The following CPXM1 variants were observed in gnomAD, a reference collection of about 807,000 sequenced individuals.
CPXM1 encodes the protein probable carboxypeptidase X1.
CPXM1 carries 72 observed loss-of-function variants against 80.4 expected under a neutral mutation model. The observed-to-expected ratio is 0.90, with a 90% confidence interval of 0.74 to 1.09. The LOEUF (loss-of-function observed/expected upper bound fraction) is 1.09. CPXM1 is among the 50% of genes least tolerant of loss of function. The probability of loss-of-function intolerance (pLI) is 0.00; values close to 1 mark genes in which losing one functional copy is unlikely to be tolerated. For missense variants in CPXM1, 892 were observed against 999.4 expected (o/e 0.89, Z 1.45); for synonymous variants, 403 against 405.6 (o/e 0.99, Z 0.08).
Position 2,794,635 on chromosome 20 carries a change from C to G in CPXM1, c.1865G>C (p.Arg622Pro), listed in dbSNP as rs772660245. 1 of 1,610,018 alleles carries G rather than the reference C, an allele frequency of 6.2e-7. No homozygotes were observed. The highest frequency in any genetic ancestry group is 8.5e-7 in the Non-Finnish European group (1 of 1,179,048). Reference sequence around the variant, plus strand: ...CCTCACCACTCCTGCAATGCCCATGCGCACCTGTGTGGGAAGAGGTTATCA... The same window carrying G: ...CCTCACCACTCCTGCAATGCCCATGGGCACCTGTGTGGGAAGAGGTTATCA... ...DALLTYLEQV[R>P]MGIAGVVRDK... The change falls in exon 13 of 14, where the codon CGC (arginine) becomes CCC (proline). Residue 622 changes from arginine to proline, a missense_variant. Transcript: ENST00000380605. The surrounding 1 kb of genome is among the most constrained non-coding windows in gnomAD (Gnocchi z 5.2).
chr20:2,797,923 C>G, intron 5 of CPXM1, 45 bp downstream of exon 5: 1 of 1,560,366 alleles, frequency 6.4e-7, no homozygotes, highest in Non-Finnish European at 8.8e-7. Context: ...GGACTGGGTG[C>G]CCAACTCCCA....
chr20:2,797,858 G>A, intron 5 of CPXM1, 110 bp downstream of exon 5: 1 of 968,240 alleles, frequency 1.0e-6, no homozygotes, highest in South Asian at 1.5e-5. Flanking sequence ...ACACCCCCCT[G>A]GGAAGCCTAA....
Position 2,798,034 on chromosome 20 carries a change from C to G in CPXM1, c.615G>C (p.Lys205Asn), listed in dbSNP as rs372632758. The G allele has an allele frequency of 1.2e-5, 19 of 1,614,058 alleles. No individual in the cohort carries two copies. In the African/African-American group the frequency reaches 2.3e-4, roughly 19 times the overall value. ...TCCGACTGTCATTGCTGAACTGGAC[C>G]TTGTATGATGTGACCCAGTCATACC... ...VWRYDWVTSY[K>N]VQFSNDSRTW... The change falls in exon 5 of 14, where the codon AAG becomes AAC. Residue 205 changes from lysine (K) to asparagine (N), a missense_variant. By Grantham distance (94) the Lys-to-Asn change is moderately conservative (BLOSUM62 0). Coordinates refer to ENST00000380605, the MANE Select transcript of CPXM1 (RefSeq NM_019609.5).
chr20:2,800,495 C>G lies in CPXM1; in HGVS notation c.78G>C (p.Val26=). The change falls in exon 1 of 14, where the codon GTG becomes GTC. Residue 26 remains valine (V), a synonymous_variant. Transcript: ENST00000380605. The part of the protein sequence containing the change: ...GPALGAPRNS[V]LGLAQPGTTK... ...TGGTCCCGGGCTGCGCGAGGCCCAG[C>G]ACCGAGTTCCTGGGCGCCCCCAGAG... is the stretch of plus-strand genomic sequence containing the variant. 1 of 1,392,844 alleles carries G rather than the reference C, an allele frequency of 7.2e-7. No homozygotes were observed. Among genetic ancestry groups the G allele is most frequent in the Non-Finnish European group, 9.3e-7 (1 of 1,079,880 alleles). 86.3% of individuals were successfully genotyped at this position (1,392,844 alleles called of 1,614,324 possible).
At chr20:2,798,667 G>A (rs1246478064) in intron 2 of CPXM1, 59 bp downstream of exon 2, 14 of 1,577,052 alleles carry the variant, frequency 8.9e-6, no homozygotes, top group African/African-American at 2.7e-5. Flanking sequence ...GCCAAGAGCT[G>A]TGCTGGTAAA....
rs780342169 is a variant in CPXM1 at position 2,797,970 on chromosome 20, C to T, written c.679G>A (p.Ala227Thr). 28 of 1,613,664 alleles carry T rather than the reference C, an allele frequency of 1.7e-5. No individual in the cohort carries two copies. In the East Asian group the frequency reaches 2.2e-4, roughly 13 times the overall value. ...GSRNHSSGMDAVFPANSDPET... is the reference protein window; with the variant it reads ...GSRNHSSGMDTVFPANSDPET... ...CCAGCCACAGTGGGACCACTCACTG[C>T]GTCCATCCCACTGCTGTGGTTCCTA... Residue 227 changes from alanine to threonine, a missense_variant and splice_region_variant, in exon 5 of 14, where the codon GCA (alanine) becomes ACA (threonine). This residue lies in a region of CPXM1 where 874 missense variants were observed against 958.4 expected (regional missense o/e 0.91). Coordinates refer to ENST00000380605, the MANE Select transcript of CPXM1 (RefSeq NM_019609.5).
Position 2,796,026 on chromosome 20 carries a change from G to A in CPXM1, c.1378C>T (p.His460Tyr). The change falls in exon 10 of 14, where the codon CAT (histidine) becomes TAT (tyrosine). Residue 460 changes from histidine to tyrosine, a missense_variant. This residue lies in a region of CPXM1 where 874 missense variants were observed against 958.4 expected (regional missense o/e 0.91). Coordinates refer to ENST00000380605, the MANE Select transcript of CPXM1 (RefSeq NM_019609.5). This position sits in a 1 kb window ranked among gnomAD's most constrained non-coding sequence, Gnocchi z 6.8. Reference protein sequence around the residue: ...DGKVPHIVPNHHLPLPTYYTL... With the variant: ...DGKVPHIVPNYHLPLPTYYTL... ...TAGTAAGTGGGCAATGGCAGGTGAT[G>A]GTTGGGGACGATGTGGGGCACCTTC... 1.2e-6 allele frequency: 2 copies of A among 1,613,330 alleles called. No individual in the cohort carries two copies. Among genetic ancestry groups the A allele is most frequent in the African/African-American group, 1.3e-5 (1 of 75,044 alleles).
intron 2 of CPXM1, 57 bp downstream of exon 2, chr20:2,798,668 TG>T: frequency 6.3e-7 from 1 of 1,576,068 alleles, no homozygotes; most frequent in Admixed American, 1.7e-5. Context: ...CCAAGAGCTG[TG>T]CTGGTAAAGT....
In CPXM1 at chr20:2,795,213, G is replaced by A. The variant is rs944892812; in HGVS notation, c.1860+64C>T. On this transcript the variant is annotated intron_variant, in intron 12 of 13. Transcript: ENST00000380605. The surrounding 1 kb of genome is among the most constrained non-coding windows in gnomAD (Gnocchi z 5.4). ...GACCTTAGAAGAACCCCTGGTAGGAGCTGTAGCCTAAATGGACAGCAGGAG... is the reference window on the plus strand; with the variant it reads ...GACCTTAGAAGAACCCCTGGTAGGAACTGTAGCCTAAATGGACAGCAGGAG... 3 of 1,572,888 alleles carry A rather than the reference G, an allele frequency of 1.9e-6. No homozygotes were observed. The African/African-American group carries it at 4.0e-5, about 21-fold the overall frequency.
Position 2,797,016 on chromosome 20 carries a change from G to T in CPXM1, c.911C>A (p.Ala304Asp). 1 of 1,613,962 alleles carries T rather than the reference G, an allele frequency of 6.2e-7. No individual in the cohort carries two copies. The highest frequency in any genetic ancestry group is 8.5e-7 in the Non-Finnish European group (1 of 1,179,880). ...GGGGTTATATCTGACCTTCCTCATG[G>T]CCTTGTAATTGTGATGCTGAAAGTC... ...PLDFQHHNYK[A>D]MRKLMKQVQE... Residue 304 changes from alanine to aspartate, a missense_variant, in exon 7 of 14, where the codon GCC becomes GAC. Around this residue, in one of 2 missense-constraint regions of CPXM1, gnomAD observed 874 missense variants for 958.4 expected, o/e 0.91. Transcript: ENST00000380605.
At position 2,795,965 on chromosome 20, in the gene CPXM1, G is replaced by T. The variant is rs376373857; in HGVS notation, c.1422+17C>A. Reference sequence around the variant, plus strand: ...CCGCCCCCCACAGACCTCCACTGCCGCCCTCAAAATACTCACGGTGGCATT... The same window carrying T: ...CCGCCCCCCACAGACCTCCACTGCCTCCCTCAAAATACTCACGGTGGCATT... On this transcript the variant is annotated intron_variant, in intron 10 of 13. Transcript: ENST00000380605. This position sits in a 1 kb window ranked among gnomAD's most constrained non-coding sequence, Gnocchi z 5.4. 1 of 1,600,356 alleles carries T rather than the reference G, an allele frequency of 6.2e-7. No homozygotes were observed. The highest frequency in any genetic ancestry group is 2.2e-5 in the East Asian group (1 of 44,680).
chr20:2,799,940 G>A (rs2088550167), intron 1 of CPXM1, among the ~76,000 whole-genome samples: 1 of 152,192 alleles, frequency 6.6e-6, no homozygotes, highest in Non-Finnish European at 1.5e-5. Context: ...TTTGTCTTTG[G>A]TGAAAAGGGA....
At chr20:2,799,059 T>G (rs535209980) in intron 1 of CPXM1, among the ~76,000 whole-genome samples, 166 bp from the exon 2 acceptor site, 1 of 152,128 alleles carries the variant, frequency 6.6e-6, no homozygotes, top group South Asian at 2.1e-4. Context: ...CCAACCTGCC[T>G]CTCCAGTCAC....
chr20:2,797,262 C>T lies in CPXM1; in HGVS notation c.762G>A (p.Leu254=). 2 of 1,570,622 alleles carry T rather than the reference C, an allele frequency of 1.3e-6. No individual in the cohort carries two copies. Among genetic ancestry groups the T allele is most frequent in the Admixed American group, 1.8e-5 (1 of 54,190 alleles). Residue 254 remains leucine, a synonymous_variant, in exon 6 of 14, where the codon CTG becomes CTA. Coordinates refer to ENST00000380605, the MANE Select transcript of CPXM1 (RefSeq NM_019609.5). ...CTCCCTGGAGCCAGGTCTGGGGCAG[C>T]AGGCGAATGAAGCGGGCCACCTGGG... ...PEPQVARFIR[L]LPQTWLQGGA...
intron 1 of CPXM1, among the ~76,000 whole-genome samples, chr20:2,800,129 C>CTG (rs570905498): frequency 8.9e-6 from 1 of 112,670 alleles, no homozygotes; most frequent in Non-Finnish European, 1.9e-5. Flanking sequence ...CGCGCGTGCA[C>CTG]TGTGTGTGCG....
chr20:2,795,937 G>A lies in CPXM1; in HGVS notation c.1423-41C>T, dbSNP rs1372940339. On this transcript the variant is annotated intron_variant, in intron 10 of 13. Transcript: ENST00000380605. The surrounding 1 kb of genome is among the most constrained non-coding windows in gnomAD (Gnocchi z 5.4). The stretch of plus-strand genomic sequence containing the variant: ...CAGGAGGGGCAGGAGACAGAGACAA[G>A]GTCCGCCCCCCACAGACCTCCACTG... 1 of 1,601,376 alleles carries A rather than the reference G, an allele frequency of 6.2e-7. No individual in the cohort carries two copies. The highest frequency in any genetic ancestry group is 8.5e-7 in the Non-Finnish European group (1 of 1,171,594).
chr20:2,799,371 C>T (rs551449732), intron 1 of CPXM1, among the ~76,000 whole-genome samples: 4 of 152,304 alleles, frequency 2.6e-5, no homozygotes, highest in African/African-American at 7.2e-5. Flanking sequence ...ACCCCTGTGC[C>T]GCTTCCATTG....
chr20:2,798,935 G>A (rs2088539875), intron 1 of CPXM1, 42 bp from the exon 2 acceptor site: 9 of 1,586,838 alleles, frequency 5.7e-6, no homozygotes, highest in African/African-American at 1.3e-5. Flanking sequence ...AGGAAGAATG[G>A]TGAAACCCCG....
chr20:2,797,436 TCC>T (rs1206076554), intron 5 of CPXM1, 94 bp from the exon 6 acceptor site: 2 of 1,331,590 alleles, frequency 1.5e-6, no homozygotes, highest in Admixed American at 2.9e-5. Flanking sequence ...GCTTACTGTC[TCC>T]CCACCCTAGT....
Sources: gnomAD v4.1 joint callset for allele counts (sites outside exome capture counted in the v4.1 genomes callset) on GRCh38, gnomAD v4.1.1 for gene constraint, gnomAD v4.1.1 regional missense constraint, Gnocchi (gnomAD v3.1) non-coding constraint, MANE v1.5 for transcripts, NCBI Gene and HGNC (gene_info 2026-07-23, HGNC 2026-07-21) for gene names.